CATSPER3: variants seen among roughly 807,000 people sequenced by gnomAD.
CATSPER3 encodes the protein cation channel sperm associated 3, also known as cation channel sperm-associated protein 3.
A neutral mutation model predicts 36.6 loss-of-function variants in CATSPER3; 23 were observed. The observed-to-expected ratio is 0.63, with a 90% CI of 0.45 to 0.89. The LOEUF (loss-of-function observed/expected upper bound fraction) is 0.89, where lower values mean the gene tolerates loss of function less well. Among genes scored for constraint, CATSPER3 ranks in the 40% least tolerant of loss-of-function variants. CATSPER3 has a pLI of 0.00. For missense variants in CATSPER3, 474 were observed against 503.9 expected, an observed-to-expected ratio of 0.94 and a Z score of 0.57; for synonymous variants, 172 against 184.1, an observed-to-expected ratio of 0.93 and a Z score of 0.53.
At chr5:135,005,215 G>C (rs1339918001) in intron 3 of CATSPER3, among the ~76,000 whole-genome samples, 1 of 152,210 alleles carries the variant, frequency 6.6e-6, no homozygotes, top group Non-Finnish European at 1.5e-5. Flanking sequence ...AGAAGGCAAA[G>C]GCTCCTGCTG....
At chr5:134,988,499 T>G (rs1039155448) in intron 2 of CATSPER3, among the ~76,000 whole-genome samples, 3 of 152,250 alleles carry the variant, frequency 2.0e-5, no homozygotes, top group African/African-American at 7.2e-5. Context: ...GTTTACGGAA[T>G]ATTCTAAATC....
At chr5:134,980,350 C>T (rs1287141936) in intron 2 of CATSPER3, among the ~76,000 whole-genome samples, 1 of 150,120 alleles carries the variant, frequency 6.7e-6, no homozygotes, top group Non-Finnish European at 1.5e-5. Context: ...TCCCTCCTCC[C>T]TCCCTCCCTC....
chr5:134,986,159 T>C (rs1383584010), intron 2 of CATSPER3, among the ~76,000 whole-genome samples: 1 of 151,982 alleles, frequency 6.6e-6, no homozygotes, highest in Non-Finnish European at 1.5e-5. Flanking sequence ...TTTTTTTTTT[T>C]CTGAGATGGA....
intron 3 of CATSPER3, among the ~76,000 whole-genome samples, chr5:135,003,280 C>T (rs1189856616): frequency 6.6e-6 from 1 of 152,228 alleles, no homozygotes; most frequent in Non-Finnish European, 1.5e-5. Flanking sequence ...TATTGCATAA[C>T]AGCAAAGGTT....
chr5:135,000,514 C>T (rs778863211), intron 3 of CATSPER3, among the ~76,000 whole-genome samples: 1 of 152,150 alleles, frequency 6.6e-6, no homozygotes. Context: ...CCTCCTTGTA[C>T]CTCTGGTAGA....
intron 2 of CATSPER3, among the ~76,000 whole-genome samples, chr5:134,990,730 G>A (rs915072644): frequency 6.6e-6 from 1 of 152,198 alleles, no homozygotes; most frequent in Admixed American, 6.5e-5. Flanking sequence ...GGGTTGCCAC[G>A]AAAGTTAAAT....
At chr5:134,990,256 T>A (rs998453208) in intron 2 of CATSPER3, among the ~76,000 whole-genome samples, 3 of 152,138 alleles carry the variant, frequency 2.0e-5, no homozygotes, top group Non-Finnish European at 2.9e-5. Flanking sequence ...CAGTTTGGTT[T>A]TATACGTTTC....
At position 135,011,554 on chromosome 5, in the gene CATSPER3, G is replaced by A. The variant is rs1175051507; in HGVS notation, c.1128G>A (p.Val376=). 6.2e-7 allele frequency: 1 copy of A among 1,614,092 alleles called. No individual in the cohort carries two copies. The highest frequency in any genetic ancestry group is 8.5e-7 in the Non-Finnish European group (1 of 1,179,976). The change falls in exon 8 of 8, where the codon GTG becomes GTA. Residue 376 remains valine (V), a synonymous_variant. Coordinates refer to ENST00000282611, the MANE Select transcript of CATSPER3 (RefSeq NM_178019.3). ...LQELYYEIVH[V]LSLMLEDLPQ... ...AGCTGTACTATGAGATCGTGCATGTGCTGAGCCTAATGCTGGAAGACTTGC... is the reference window on the plus strand; with the variant it reads ...AGCTGTACTATGAGATCGTGCATGTACTGAGCCTAATGCTGGAAGACTTGC...
chr5:135,010,382 G>T lies in CATSPER3; in HGVS notation c.946G>T (p.Asp316Tyr). 6.2e-7 allele frequency: 1 copy of T among 1,613,984 alleles called. No individual in the cohort carries two copies. The highest frequency in any genetic ancestry group is 1.1e-5 in the South Asian group (1 of 91,066). The change falls in exon 7 of 8, where the codon GAC becomes TAC. Residue 316 changes from aspartate (D) to tyrosine (Y), a missense_variant. Coordinates refer to ENST00000282611, the MANE Select transcript of CATSPER3 (RefSeq NM_178019.3). ...ATGCTTTCCTCTCTAGAAAAATGCT[G>T]ACTGCACAAGTTTCAGTGAGCTGGT... ...SRLMHIQKNA[D>Y]CTSFSELVEN...
chr5:134,994,131 A>C (rs1462104379), intron 2 of CATSPER3, among the ~76,000 whole-genome samples: 1 of 152,220 alleles, frequency 6.6e-6, no homozygotes, highest in Non-Finnish European at 1.5e-5. Flanking sequence ...TCTCAAAAAA[A>C]ACTATAAAAA....
At chr5:135,005,841 T>C (rs1345138311) in intron 3 of CATSPER3, among the ~76,000 whole-genome samples, 1 of 152,218 alleles carries the variant, frequency 6.6e-6, no homozygotes, top group Non-Finnish European at 1.5e-5. Context: ...CCTTCCTCCC[T>C]GCCTCCTCCT....
chr5:134,981,633 C>T (rs1052654631), intron 2 of CATSPER3, among the ~76,000 whole-genome samples: 35 of 152,184 alleles, frequency 2.3e-4, no homozygotes, highest in Non-Finnish European at 7.3e-5. Context: ...ATACAACTCA[C>T]ATAAAGCAAC....
chr5:135,002,271 C>A (rs376134976), intron 3 of CATSPER3, among the ~76,000 whole-genome samples: 5 of 152,092 alleles, frequency 3.3e-5, no homozygotes, highest in Admixed American at 6.6e-5. Context: ...TCTTTTCTTT[C>A]AGAATGTTGA....
chr5:134,968,529 A>G (rs1561455927), intron 1 of CATSPER3: 1 of 244,132 alleles, frequency 4.1e-6, no homozygotes, highest in Middle Eastern at 1.6e-3. Flanking sequence ...CATCTCTACT[A>G]AAAATACACA....
intron 2 of CATSPER3, among the ~76,000 whole-genome samples, chr5:134,989,907 AC>A (rs1296127742): frequency 6.6e-6 from 1 of 152,146 alleles, no homozygotes; most frequent in Non-Finnish European, 1.5e-5. Context: ...GAGACTTGCA[AC>A]CCTTCATTTC....
chr5:134,977,583 A>G (rs1751689418), intron 2 of CATSPER3, among the ~76,000 whole-genome samples: 1 of 152,240 alleles, frequency 6.6e-6, no homozygotes, highest in Admixed American at 6.5e-5. Flanking sequence ...AGAGGTTCCA[A>G]ACTTTTCCTC....
intron 2 of CATSPER3, among the ~76,000 whole-genome samples, chr5:134,983,957 A>G (rs1403319732): frequency 6.6e-6 from 1 of 152,232 alleles, no homozygotes; most frequent in African/African-American, 2.4e-5. Flanking sequence ...TGCAGTGGAA[A>G]AGAATAGAGA....
At chr5:135,001,820 T>C (rs1752023182) in intron 3 of CATSPER3, among the ~76,000 whole-genome samples, 1 of 152,230 alleles carries the variant, frequency 6.6e-6, no homozygotes, top group Non-Finnish European at 1.5e-5. Flanking sequence ...GCTTGGTAGA[T>C]TTTCCTCCAT....
chr5:134,983,394 G>T (rs968560960), intron 2 of CATSPER3, among the ~76,000 whole-genome samples: 1 of 152,046 alleles, frequency 6.6e-6, no homozygotes, highest in Admixed American at 6.6e-5. Flanking sequence ...AATTAGCCAG[G>T]TGTGGTGGTG....
Sources: gnomAD v4.1 joint callset for allele counts (sites outside exome capture counted in the v4.1 genomes callset) on GRCh38, gnomAD v4.1.1 for gene constraint, MANE v1.5 for transcripts, NCBI Gene and HGNC (gene_info 2026-07-23, HGNC 2026-07-21) for gene names.